Variants in MYOM1 observed in about 807,000 individuals in gnomAD.
The protein encoded by MYOM1 is myomesin 1.
A neutral mutation model predicts 205.3 loss-of-function variants in MYOM1; 164 were observed. The ratio of observed to expected loss-of-function variants is 0.80; its 90% CI spans 0.70 to 0.91. The LOEUF (loss-of-function observed/expected upper bound fraction) is 0.91. Among genes scored for constraint, MYOM1 ranks in the 40% least tolerant of loss-of-function variants. The pLI is 0.00. For missense variants in MYOM1, 2,011 were observed against 2,127.3 expected (o/e 0.95, Z 1.08); for synonymous variants, 772 against 789.4 (o/e 0.98, Z 0.37).
At chr18:3,097,039 AGTGGT>A (rs1294610900) in intron 25 of MYOM1, among the ~76,000 whole-genome samples, 1 of 152,224 alleles carries the variant, frequency 6.6e-6, no homozygotes, top group Non-Finnish European at 1.5e-5. Context: ...GCACGTGTTT[AGTGGT>A]TTTCAAAATA....
At position 3,129,217 on chromosome 18, in the gene MYOM1, T is replaced by G; in HGVS notation, c.2794+15A>C. On this transcript the variant is annotated intron_variant, in intron 18 of 37. Transcript: ENST00000356443. ...ATGGAGACGGATGGAACAGCTTCCC[T>G]TTCTCAACTCTCACCTCTGTCTGTC... The G allele has an allele frequency of 6.2e-7, 1 of 1,609,422 alleles. No individual in the cohort carries two copies.
chr18:3,185,307 C>T (rs554382095), intron 5 of MYOM1, among the ~76,000 whole-genome samples: 1 of 152,164 alleles, frequency 6.6e-6, no homozygotes, highest in Non-Finnish European at 1.5e-5. Flanking sequence ...GTTTATCTCC[C>T]AGAAGCTACT....
intron 8 of MYOM1, among the ~76,000 whole-genome samples, chr18:3,172,956 T>A (rs1029164768): frequency 6.6e-6 from 1 of 152,158 alleles, no homozygotes; most frequent in Non-Finnish European, 1.5e-5. Flanking sequence ...GAGAAGCCAT[T>A]CCATGAAATC....
intron 16 of MYOM1, among the ~76,000 whole-genome samples, chr18:3,132,116 G>GTATATATATA (rs1567923646): frequency 5.8e-5 from 4 of 68,472 alleles, no homozygotes; most frequent in African/African-American, 2.1e-4. Context: ...ATATATGTGT[G>GTATATATATA]TGTATATATA....
At chr18:3,191,979 A>G (rs1244655983) in intron 3 of MYOM1, among the ~76,000 whole-genome samples, 1 of 152,158 alleles carries the variant, frequency 6.6e-6, no homozygotes, top group Non-Finnish European at 1.5e-5. Flanking sequence ...TACAGGCATG[A>G]GCCACCGTGC....
chr18:3,114,636 G>A (rs1328243919), intron 21 of MYOM1, among the ~76,000 whole-genome samples: 1 of 146,022 alleles, frequency 6.8e-6, no homozygotes, highest in Non-Finnish European at 1.5e-5. Context: ...TGCCTGCCTT[G>A]GCCTCCCAAA....
chr18:3,201,865 A>G (rs984166558), intron 2 of MYOM1, among the ~76,000 whole-genome samples: 8 of 151,962 alleles, frequency 5.3e-5, no homozygotes, highest in African/African-American at 1.9e-4. Flanking sequence ...GCTGGTCTCA[A>G]ACTCTTGAGC....
intron 3 of MYOM1, among the ~76,000 whole-genome samples, chr18:3,193,361 T>TACACAC (rs58632082): frequency 2.9e-5 from 4 of 135,884 alleles, no homozygotes; most frequent in Admixed American, 7.3e-5. Context: ...TATATATATA[T>TACACAC]ACACACACAC....
chr18:3,211,735 T>C (rs1316898831), intron 2 of MYOM1, among the ~76,000 whole-genome samples: 2 of 152,238 alleles, frequency 1.3e-5, no homozygotes, highest in African/African-American at 4.8e-5. Context: ...GTAACTGATC[T>C]GTACTGCAAG....
intron 14 of MYOM1, among the ~76,000 whole-genome samples, chr18:3,139,048 CAG>C (rs1405565576): frequency 2.0e-5 from 3 of 152,116 alleles, no homozygotes; most frequent in Non-Finnish European, 4.4e-5. Flanking sequence ...AGGAGGCTAA[CAG>C]GGGAGGATAG....
intron 21 of MYOM1, 118 bp from the exon 22 acceptor site, chr18:3,112,530 T>A: frequency 1.6e-6 from 1 of 641,862 alleles, no homozygotes; most frequent in South Asian, 3.2e-5. Flanking sequence ...GCACCAGGGA[T>A]ACAAGACTTG....
At chr18:3,108,533 T>C (rs1445411459) in intron 22 of MYOM1, among the ~76,000 whole-genome samples, 1 of 150,228 alleles carries the variant, frequency 6.7e-6, no homozygotes, top group African/African-American at 2.5e-5. Flanking sequence ...TATTAGCCTA[T>C]AAAGCAATGA....
At chr18:3,163,043 AC>A (rs2144043750) in intron 10 of MYOM1, among the ~76,000 whole-genome samples, 2 of 148,270 alleles carry the variant, frequency 1.3e-5, no homozygotes, top group East Asian at 2.0e-4. Context: ...ACAAAAAAAA[AC>A]AAAAAACCAC....
the MYOM1 span, among the ~76,000 whole-genome samples, chr18:3,242,190 G>A: frequency 3.3e-5 from 5 of 152,140 alleles, no homozygotes; most frequent in African/African-American, 1.2e-4. Context: ...AGATTTAGGA[G>A]GGGCCAGGGT....
At chr18:3,231,265 T>A in the MYOM1 span, among the ~76,000 whole-genome samples, 1 of 152,056 alleles carries the variant, frequency 6.6e-6, no homozygotes, top group Non-Finnish European at 1.5e-5. Flanking sequence ...GGAACGAAAG[T>A]CAAAGAGGCT....
intron 12 of MYOM1, among the ~76,000 whole-genome samples, chr18:3,151,188 A>G (rs1252541770): frequency 6.6e-6 from 1 of 151,598 alleles, no homozygotes; most frequent in Non-Finnish European, 1.5e-5. Context: ...TCAGACATAG[A>G]TTAGATATAA....
chr18:3,202,897 T>C (rs2081085168), intron 2 of MYOM1, among the ~76,000 whole-genome samples: 2 of 151,922 alleles, frequency 1.3e-5, no homozygotes, highest in Admixed American at 6.6e-5. Context: ...CATATGGTAG[T>C]CCACAAAACA....
intron 26 of MYOM1, 56 bp downstream of exon 26, chr18:3,094,114 T>A: frequency 6.3e-7 from 1 of 1,574,926 alleles, no homozygotes; most frequent in Non-Finnish European, 8.7e-7. Flanking sequence ...CACATAAGGC[T>A]TCCTCAGTGT....
intron 3 of MYOM1, among the ~76,000 whole-genome samples, chr18:3,190,244 C>T (rs954118885): frequency 1.4e-4 from 21 of 152,316 alleles, no homozygotes; most frequent in African/African-American, 3.6e-4. Context: ...TTAACCCCCT[C>T]AAATGTTTCG....
Sources: allele counts gnomAD v4.1 joint callset (sites outside exome capture counted in the v4.1 genomes callset), GRCh38; gene constraint gnomAD v4.1.1; transcripts MANE v1.5; gene names NCBI Gene and HGNC (gene_info 2026-07-23, HGNC 2026-07-21).